Variants in PDE3B observed in about 807,000 individuals in gnomAD.
PDE3B encodes cGMP-inhibited 3',5'-cyclic phosphodiesterase 3B.
Under a neutral mutation model 116.8 loss-of-function variants are expected in PDE3B, and 66 were observed. The ratio of observed to expected loss-of-function variants is 0.56; its 90% CI spans 0.46 to 0.69. PDE3B has a LOEUF of 0.69. Ranked by LOEUF, PDE3B falls within the 30% of genes least tolerant of loss-of-function variation. The probability of loss-of-function intolerance (pLI) is 0.00; values close to 1 mark genes in which losing one functional copy is unlikely to be tolerated. For missense variants in PDE3B, 1,384 were observed against 1,368.1 expected, an observed-to-expected ratio of 1.01 and a Z score of -0.18; for synonymous variants, 595 against 533.6, an observed-to-expected ratio of 1.12 and a Z score of -1.59.
chr11:14,738,067 C>T (rs775941079), intron 1 of PDE3B, among the ~76,000 whole-genome samples: 4 of 152,004 alleles, frequency 2.6e-5, no homozygotes, highest in Non-Finnish European at 5.9e-5. Flanking sequence ...TGAATAGGGC[C>T]ACAATAAACA....
chr11:14,744,937 A>G (rs986093868), intron 1 of PDE3B, among the ~76,000 whole-genome samples: 1 of 152,138 alleles, frequency 6.6e-6, no homozygotes, highest in Non-Finnish European at 1.5e-5. Context: ...TTGTTCTTTA[A>G]GTGTTTATCC....
At chr11:14,755,433 C>G (rs534721551) in intron 1 of PDE3B, among the ~76,000 whole-genome samples, 58 of 152,206 alleles carry the variant, frequency 3.8e-4, no homozygotes, top group African/African-American at 1.2e-3. Context: ...GGAGAAGAAT[C>G]TAATAGAATT....
chr11:14,820,183 A>G (rs1294195000), intron 7 of PDE3B, among the ~76,000 whole-genome samples: 1 of 151,874 alleles, frequency 6.6e-6, no homozygotes, highest in Non-Finnish European at 1.5e-5. Context: ...CTAATTCTTC[A>G]CAAACTCTTC....
intron 11 of PDE3B, among the ~76,000 whole-genome samples, chr11:14,837,125 TAA>T (rs1407025557): frequency 6.6e-6 from 1 of 152,252 alleles, no homozygotes; most frequent in Non-Finnish European, 1.5e-5. Flanking sequence ...GCCCATTCTT[TAA>T]AGACAGCAGC....
intron 4 of PDE3B, among the ~76,000 whole-genome samples, chr11:14,799,231 G>C (rs1171111861): frequency 6.6e-6 from 1 of 152,180 alleles, no homozygotes; most frequent in East Asian, 1.9e-4. Flanking sequence ...TTTCCATGTA[G>C]TTGTGCGGTT....
At chr11:14,795,673 T>C (rs1858530576) in intron 4 of PDE3B, among the ~76,000 whole-genome samples, 1 of 152,210 alleles carries the variant, frequency 6.6e-6, no homozygotes, top group Non-Finnish European at 1.5e-5. Flanking sequence ...TCTCTCTTTG[T>C]CTTGACTATT....
At chr11:14,742,881 T>C (rs1856809723) in intron 1 of PDE3B, among the ~76,000 whole-genome samples, 1 of 152,134 alleles carries the variant, frequency 6.6e-6, no homozygotes, top group South Asian at 2.1e-4. Context: ...TTTGCCTGAA[T>C]GTCACCAGGA....
At chr11:14,742,105 C>T (rs1249581428) in intron 1 of PDE3B, among the ~76,000 whole-genome samples, 1 of 151,580 alleles carries the variant, frequency 6.6e-6, no homozygotes, top group East Asian at 1.9e-4. Context: ...TTGTGGTGTT[C>T]TCTGTATTTC....
At chr11:14,667,765 G>A (rs1357286552) in intron 1 of PDE3B, among the ~76,000 whole-genome samples, 1 of 151,116 alleles carries the variant, frequency 6.6e-6, no homozygotes, top group Non-Finnish European at 1.5e-5. Flanking sequence ...GTGCAGCACA[G>A]CAACATGGCA....
At chr11:14,770,692 C>T (rs1157999355) in intron 1 of PDE3B, among the ~76,000 whole-genome samples, 1 of 151,546 alleles carries the variant, frequency 6.6e-6, no homozygotes, top group African/African-American at 2.4e-5. Flanking sequence ...TTTGTGGGCA[C>T]TGGTTCACAA....
chr11:14,759,120 A>C (rs1174187042), intron 1 of PDE3B, among the ~76,000 whole-genome samples: 1 of 152,120 alleles, frequency 6.6e-6, no homozygotes, highest in African/African-American at 2.4e-5. Context: ...GATGAAGCCC[A>C]CTTGATCATG....
intron 7 of PDE3B, among the ~76,000 whole-genome samples, chr11:14,826,443 C>T (rs189108114): frequency 6.6e-6 from 1 of 152,106 alleles, no homozygotes; most frequent in East Asian, 1.9e-4. Flanking sequence ...GGGGGTGGTA[C>T]CACTGACCCC....
At chr11:14,664,419 A>T (rs1196103444) in intron 1 of PDE3B, among the ~76,000 whole-genome samples, 5 of 152,228 alleles carry the variant, frequency 3.3e-5, no homozygotes. Context: ...CTAAAATCAG[A>T]GCAGAACTGA....
At chr11:14,823,276 T>C (rs905091106) in intron 7 of PDE3B, among the ~76,000 whole-genome samples, 3 of 152,120 alleles carry the variant, frequency 2.0e-5, no homozygotes, top group Non-Finnish European at 4.4e-5. Flanking sequence ...TTCACATGGG[T>C]CCCAGATCTT....
intron 5 of PDE3B, among the ~76,000 whole-genome samples, chr11:14,815,560 C>G (rs1859298889): frequency 6.6e-6 from 1 of 152,120 alleles, no homozygotes; most frequent in South Asian, 2.1e-4. Context: ...CTCAGTATGG[C>G]TGCTTACTTC....
intron 1 of PDE3B, among the ~76,000 whole-genome samples, chr11:14,750,675 T>C (rs552344943): frequency 1.2e-4 from 18 of 151,804 alleles, no homozygotes; most frequent in African/African-American, 4.1e-4. Context: ...TTAAGAATAT[T>C]ATTTTGAAAA....
chr11:14,721,514 G>A (rs1856080566), intron 1 of PDE3B, among the ~76,000 whole-genome samples: 1 of 151,750 alleles, frequency 6.6e-6, no homozygotes, highest in Admixed American at 6.6e-5. Context: ...GCAAAGACTT[G>A]GAACCGACCC....
the PDE3B span, chr11:14,892,002 C>T: frequency 2.5e-6 from 4 of 1,613,466 alleles, no homozygotes; most frequent in South Asian, 1.1e-5. Context: ...CCTGGCTCTG[C>T]TTTCTCATGT....
At chr11:14,796,690 C>A (rs1858566418) in intron 4 of PDE3B, among the ~76,000 whole-genome samples, 1 of 152,128 alleles carries the variant, frequency 6.6e-6, no homozygotes, top group African/African-American at 2.4e-5. Context: ...CTGTTCATAT[C>A]TTTTGCCCAC....
Sources: allele counts gnomAD v4.1 joint callset (sites outside exome capture counted in the v4.1 genomes callset), GRCh38; gene constraint gnomAD v4.1.1; transcripts MANE v1.5; gene names NCBI Gene and HGNC (gene_info 2026-07-23, HGNC 2026-07-21).